The following CNTNAP2 variants were observed in gnomAD, a reference collection of about 807,000 sequenced individuals.
The protein encoded by CNTNAP2 is contactin associated protein 2, also known as contactin-associated protein-like 2.
Under a neutral mutation model 155.2 loss-of-function variants are expected in CNTNAP2, and 98 were observed. The ratio of observed to expected loss-of-function variants is 0.63; its 90% CI spans 0.54 to 0.75. The LOEUF (loss-of-function observed/expected upper bound fraction) is 0.75. Ranked by LOEUF, CNTNAP2 falls within the 30% of genes least tolerant of loss-of-function variation. The pLI, the probability that CNTNAP2 is intolerant of heterozygous loss-of-function variation, is 0.00. For missense variants in CNTNAP2, 1,727 were observed against 1,688.1 expected (o/e 1.02, Z -0.40); for synonymous variants, 651 against 631.2 (o/e 1.03, Z -0.47).
intron 1 of CNTNAP2, among the ~76,000 whole-genome samples, chr7:146,331,464 C>T (rs1188198003): frequency 3.3e-5 from 5 of 152,114 alleles, no homozygotes; most frequent in Admixed American, 3.3e-4. Flanking sequence ...CATCAGAGAG[C>T]AGTCAGAACT....
chr7:147,697,432 A>G (rs1796177839), intron 13 of CNTNAP2, among the ~76,000 whole-genome samples: 1 of 152,054 alleles, frequency 6.6e-6, no homozygotes, highest in Non-Finnish European at 1.5e-5. Context: ...TGTTGCCTTT[A>G]TTAATGCAGC....
At chr7:147,041,317 A>T (rs1020693493) in intron 3 of CNTNAP2, among the ~76,000 whole-genome samples, 4 of 152,118 alleles carry the variant, frequency 2.6e-5, no homozygotes, top group African/African-American at 9.7e-5. Flanking sequence ...TCAAAAATTC[A>T]TTTTACCAAT....
rs796052376 is a variant in CNTNAP2 at position 148,118,145 on chromosome 7, C to G, written c.2411C>G (p.Pro804Arg). The change falls in exon 16 of 24, where the codon CCA becomes CGA. Residue 804 changes from proline to arginine, a missense_variant. Physicochemically the swap from Pro to Arg is moderately radical, Grantham distance 103 (BLOSUM62 -2). Coordinates refer to ENST00000361727, the MANE Select transcript of CNTNAP2 (RefSeq NM_014141.6). Reference protein sequence around the residue: ...DRNYWNAASFPNPSSYLHFST... With the variant: ...DRNYWNAASFRNPSSYLHFST... ...AATTATTGGAATGCCGCCTCTTTCC[C>G]AAACCCATCCTCCTACCTGCACTTC... The G allele has an allele frequency of 3.7e-6, 6 of 1,614,140 alleles. No homozygotes were observed. The highest frequency in any genetic ancestry group is 5.1e-6 in the Non-Finnish European group (6 of 1,180,018).
rs909808803 is a variant in CNTNAP2 at position 146,643,480 on chromosome 7, C to T, written c.98-130791C>T. On this transcript the variant is annotated intron_variant, in intron 1 of 23. Transcript: ENST00000361727. Reference sequence around the variant, plus strand: ...AGATCAGATAGTTGTAGATATGCAGCGTTATTTCTGAGGGCTGTGTTCTGT... The same window carrying T: ...AGATCAGATAGTTGTAGATATGCAGTGTTATTTCTGAGGGCTGTGTTCTGT... 3.1e-3 allele frequency among the ~76,000 whole-genome samples: 477 copies of T among 152,114 alleles called. 3 individuals are homozygous for T. Among genetic ancestry groups the T allele is most frequent in the African/African-American group, 0.011 (448 of 41,508 alleles).
At chr7:147,219,942 ATTT>A (rs34947567) in intron 8 of CNTNAP2, among the ~76,000 whole-genome samples, 5 of 122,982 alleles carry the variant, frequency 4.1e-5, no homozygotes, top group Admixed American at 8.3e-5. Context: ...CGCCCAGCTA[ATTT>A]TTTTTTTTTT....
chr7:147,509,357 A>G (rs1409528936), intron 11 of CNTNAP2, among the ~76,000 whole-genome samples: 1 of 152,228 alleles, frequency 6.6e-6, no homozygotes, highest in African/African-American at 2.4e-5. Context: ...ACAGGACAGG[A>G]CTGATGCAAT....
Position 147,923,397 on chromosome 7 carries a change from G to A in CNTNAP2, c.2255+19676G>A, listed in dbSNP as rs541175625. Among the ~76,000 whole-genome samples the A allele has an allele frequency of 2.6e-5, 4 of 152,294 alleles. No individual in the cohort carries two copies. The South Asian group carries it at 8.3e-4, about 32-fold the overall frequency. Reference sequence around the variant, plus strand: ...AGAACACCACGTTGGGAGGGAGGCAGAGATTTAAGTGATGTGTCTACCTTC... The same window carrying A: ...AGAACACCACGTTGGGAGGGAGGCAAAGATTTAAGTGATGTGTCTACCTTC... On this transcript the variant is annotated intron_variant, in intron 14 of 23. Transcript: ENST00000361727.
intron 16 of CNTNAP2, among the ~76,000 whole-genome samples, chr7:148,120,182 G>A (rs375288095): frequency 6.8e-6 from 1 of 146,896 alleles, no homozygotes; most frequent in Non-Finnish European, 1.5e-5. Flanking sequence ...GCCACGCCTG[G>A]GTAAGAAGGA....
At chr7:146,245,283 GGA>G (rs1296372827) in intron 1 of CNTNAP2, among the ~76,000 whole-genome samples, 2 of 152,168 alleles carry the variant, frequency 1.3e-5, no homozygotes, top group Non-Finnish European at 2.9e-5. Context: ...GTCCGGGCCA[GGA>G]ACAATGGTAA....
chr7:146,493,450 G>A (rs1797168709), intron 1 of CNTNAP2, among the ~76,000 whole-genome samples: 1 of 152,134 alleles, frequency 6.6e-6, no homozygotes, highest in Non-Finnish European at 1.5e-5. Context: ...TTTGAAAAAG[G>A]TTATGTTTGC....
At chr7:146,795,996 C>T (rs1278043926) in intron 2 of CNTNAP2, among the ~76,000 whole-genome samples, 5 of 152,032 alleles carry the variant, frequency 3.3e-5, no homozygotes, top group African/African-American at 2.4e-5. Flanking sequence ...CAAGTAAATA[C>T]ACATGAAAGA....
chr7:146,280,995 G>A (rs763411289), intron 1 of CNTNAP2, among the ~76,000 whole-genome samples: 14 of 152,142 alleles, frequency 9.2e-5, no homozygotes, highest in Non-Finnish European at 1.6e-4. Flanking sequence ...AGAAGTGACC[G>A]TCAATTCCTG....
At chr7:147,553,570 C>T (rs1799893651) in intron 11 of CNTNAP2, among the ~76,000 whole-genome samples, 2 of 152,070 alleles carry the variant, frequency 1.3e-5, no homozygotes, top group Admixed American at 1.3e-4. Flanking sequence ...AACATGCCTG[C>T]CCCATGTATT....
chr7:147,027,771 A>G (rs1163646762), intron 3 of CNTNAP2, among the ~76,000 whole-genome samples: 1 of 152,206 alleles, frequency 6.6e-6, no homozygotes, highest in South Asian at 2.1e-4. Flanking sequence ...CTGGAGAGGC[A>G]GGACCTCCAG....
chr7:147,516,618 ATGTG>A (rs10681580), intron 11 of CNTNAP2, among the ~76,000 whole-genome samples: 91,573 of 149,850 alleles, frequency 0.61, 28,917 homozygotes, highest in Non-Finnish European at 0.71. Flanking sequence ...GAGAGAGAGA[ATGTG>A]TGTGTGTGTG....
At chr7:147,740,886 C>T (rs1177530861) in intron 13 of CNTNAP2, among the ~76,000 whole-genome samples, 2 of 152,154 alleles carry the variant, frequency 1.3e-5, no homozygotes, top group African/African-American at 4.8e-5. Flanking sequence ...AGGCAGAAGT[C>T]CTCAAGCTCA....
rs2116608285 is a variant in CNTNAP2, at chr7:148,118,155, C to T, written c.2421C>T (p.Ser807=). Residue 807 remains serine, a synonymous_variant, in exon 16 of 24, where the codon TCC becomes TCT. Coordinates refer to ENST00000361727, the MANE Select transcript of CNTNAP2 (RefSeq NM_014141.6). ...ATGCCGCCTCTTTCCCAAACCCATC[C>T]TCCTACCTGCACTTCTCTACTTTCC... ...YWNAASFPNP[S]SYLHFSTFQG... 2 of 1,614,162 alleles carry T rather than the reference C, an allele frequency of 1.2e-6. No individual in the cohort carries two copies. The highest frequency in any genetic ancestry group is 1.3e-5 in the African/African-American group (1 of 75,056).
chr7:147,936,340 T>A (rs1271763312), intron 14 of CNTNAP2, among the ~76,000 whole-genome samples: 1 of 151,482 alleles, frequency 6.6e-6, no homozygotes, highest in Non-Finnish European at 1.5e-5. Flanking sequence ...ATCCAGTGGA[T>A]CTTGACCTAT....
At chr7:147,137,114 A>G (rs1801497501) in intron 8 of CNTNAP2, among the ~76,000 whole-genome samples, 1 of 151,712 alleles carries the variant, frequency 6.6e-6, no homozygotes, top group Non-Finnish European at 1.5e-5. Flanking sequence ...AGAGTTATTT[A>G]TCACAACATA....
Sources: allele counts gnomAD v4.1 joint callset (sites outside exome capture counted in the v4.1 genomes callset), GRCh38; gene constraint gnomAD v4.1.1; transcripts MANE v1.5; gene names NCBI Gene and HGNC (gene_info 2026-07-23, HGNC 2026-07-21).